The following UBE2F variants were observed in gnomAD, a reference collection of about 807,000 sequenced individuals.
UBE2F encodes ubiquitin conjugating enzyme E2 F (putative), also known as NEDD8-conjugating enzyme UBE2F.
In UBE2F, 5 loss-of-function variants were observed where a neutral mutation model predicts 29.6. The observed-to-expected ratio is 0.17, with a 90% CI of 0.09 to 0.36. The LOEUF is 0.36. UBE2F is among the 10% of genes least tolerant of loss of function. The pLI is 1.00. For synonymous variants in UBE2F, 66 were observed against 81.8 expected (o/e 0.81, Z 1.04); for missense variants, 141 against 228.5 (o/e 0.62, Z 2.47).
intron 2 of UBE2F, chr2:237,973,769 G>C: frequency 2.6e-6 from 3 of 1,142,750 alleles, no homozygotes; most frequent in Non-Finnish European, 3.4e-6. Flanking sequence ...CTTTATCCTT[G>C]GAGAAGGGTT....
At chr2:237,974,995 C>T (rs1206483440) in intron 2 of UBE2F, among the ~76,000 whole-genome samples, 1 of 152,052 alleles carries the variant, frequency 6.6e-6, no homozygotes. Flanking sequence ...TAGTCTTGAA[C>T]TCCTGACCTC....
intron 3 of UBE2F, among the ~76,000 whole-genome samples, chr2:237,990,058 C>T (rs1429007533): frequency 7.4e-6 from 1 of 134,930 alleles, no homozygotes; most frequent in Non-Finnish European, 1.5e-5. Flanking sequence ...GCGGAGGTTG[C>T]GGTGAGCTGA....
At position 237,967,064 on chromosome 2, in the gene UBE2F, C is replaced by A. The variant is rs1396330003; in HGVS notation, c.-85C>A. 3 of 1,320,472 alleles carry A rather than the reference C, an allele frequency of 2.3e-6. 1 individual carries two copies. The East Asian group carries it at 9.6e-5, about 42-fold the overall frequency. 81.8% of individuals were successfully genotyped at this position (1,320,472 alleles called of 1,614,324 possible). On this transcript the variant is annotated 5_prime_UTR_variant, in exon 1 of 10. Coordinates refer to ENST00000272930, the MANE Select transcript of UBE2F (RefSeq NM_080678.3). This position sits in a 1 kb window ranked among gnomAD's most constrained non-coding sequence, Gnocchi z 6.3. The stretch of plus-strand genomic sequence containing the variant: ...GGTGCGGCTGTGAGGGGCCGCGTCT[C>A]GCAGCAGCCGCCCGGACCGGGCATG...
chr2:237,997,101 C>T (rs2063707007), intron 4 of UBE2F, among the ~76,000 whole-genome samples: 1 of 151,980 alleles, frequency 6.6e-6, no homozygotes, highest in Non-Finnish European at 1.5e-5. Flanking sequence ...GTGGTGCGTG[C>T]CTGTAATCCC....
chr2:238,035,118 G>C (rs753497958), intron 8 of UBE2F: 4 of 152,234 alleles, frequency 2.6e-5, no homozygotes, highest in Non-Finnish European at 5.9e-5. Flanking sequence ...TCTCGAACTT[G>C]TGACCTCTGG....
chr2:237,977,748 T>A (rs2063310032), intron 2 of UBE2F, among the ~76,000 whole-genome samples: 1 of 152,090 alleles, frequency 6.6e-6, no homozygotes, highest in South Asian at 2.1e-4. Context: ...AACTCCCTTT[T>A]GGGACTTTGA....
rs2064159005 is a variant in UBE2F at position 238,016,616 on chromosome 2, G to A, written c.265G>A (p.Asp89Asn). The A allele has an allele frequency of 6.2e-7, 1 of 1,613,478 alleles. No individual in the cohort carries two copies. Among genetic ancestry groups the A allele is most frequent in the African/African-American group, 1.3e-5 (1 of 74,906 alleles). Residue 89 changes from aspartate (D) to asparagine (N), a missense_variant, in exon 5 of 10, where the codon GAT (aspartate) becomes AAT (asparagine). Transcript: ENST00000272930. ...GKFQFETEVP[D>N]AYNMVPPKVK... is the part of the protein sequence containing the mutation. ...ATTTCAGTTTGAAACTGAAGTTCCCGATGCGTACAACATGGTGGTGAGTAG... is the reference window on the plus strand; with the variant it reads ...ATTTCAGTTTGAAACTGAAGTTCCCAATGCGTACAACATGGTGGTGAGTAG...
At chr2:238,031,485 G>A (rs1443980419) in intron 7 of UBE2F, among the ~76,000 whole-genome samples, 1 of 152,224 alleles carries the variant, frequency 6.6e-6, no homozygotes, top group Non-Finnish European at 1.5e-5. Flanking sequence ...ACATCGGAAG[G>A]TCAGGGATGG....
intron 4 of UBE2F, among the ~76,000 whole-genome samples, chr2:238,003,903 C>T (rs1366726104): frequency 4.6e-5 from 7 of 152,194 alleles, no homozygotes; most frequent in Non-Finnish European, 1.0e-4. Flanking sequence ...CCTCGATCTG[C>T]TTTGTAGATC....
chr2:238,020,605 C>G (rs920236855), intron 5 of UBE2F, among the ~76,000 whole-genome samples: 3 of 152,166 alleles, frequency 2.0e-5, no homozygotes, highest in African/African-American at 7.2e-5. Flanking sequence ...TAAAGTCGAT[C>G]GTTATTTTAG....
chr2:238,035,680 A>G, intron 8 of UBE2F, 198 bp from the exon 9 acceptor site: 1 of 547,240 alleles, frequency 1.8e-6, no homozygotes. Flanking sequence ...GTCAGTTGTC[A>G]GTCACCATTT....
intron 4 of UBE2F, among the ~76,000 whole-genome samples, chr2:238,008,150 T>G (rs536487427): frequency 5.1e-4 from 77 of 152,110 alleles, no homozygotes; most frequent in Non-Finnish European, 9.7e-4. Flanking sequence ...TAATTATTTT[T>G]TGTAGAGACG....
intron 4 of UBE2F, chr2:238,003,236 T>C (rs1340990454): frequency 2.9e-6 from 1 of 349,546 alleles, no homozygotes; most frequent in African/African-American, 2.1e-5. Flanking sequence ...ATCTTAAAAA[T>C]ACAGATGCCA....
intron 4 of UBE2F, among the ~76,000 whole-genome samples, chr2:238,004,989 T>G (rs2106367757): frequency 6.6e-6 from 1 of 152,164 alleles, no homozygotes; most frequent in East Asian, 1.9e-4. Flanking sequence ...CAGAAAGGAG[T>G]GCCCTCTTGC....
rs538240441 is a variant in UBE2F at position 237,992,811 on chromosome 2, AT to A, written c.149-1930del. Among the ~76,000 whole-genome samples, 39 of 152,334 alleles carry A rather than the reference AT, an allele frequency of 2.6e-4. No homozygotes were observed. The East Asian group carries it at 7.3e-3, about 29-fold the overall frequency. On this transcript the variant is annotated intron_variant, in intron 3 of 9. Transcript: ENST00000272930. Reference sequence around the variant, plus strand: ...TCTCTAAGGTCACCTCTGAGTAGAAATTTGAATTGTCCTGTTTTCGATAAAA... The same window carrying A: ...TCTCTAAGGTCACCTCTGAGTAGAAATTGAATTGTCCTGTTTTCGATAAAA...
At chr2:238,025,318 T>C in intron 5 of UBE2F, 24 bp from the exon 6 acceptor site, 1 of 1,607,018 alleles carries the variant, frequency 6.2e-7, no homozygotes, top group Non-Finnish European at 8.5e-7. Context: ...CGGCGTGATC[T>C]CTCTCATTGT....
chr2:238,029,393 CCTGGTTAACACG>C (rs2064516834), intron 6 of UBE2F, among the ~76,000 whole-genome samples: 2 of 152,086 alleles, frequency 1.3e-5, no homozygotes, highest in Non-Finnish European at 2.9e-5. Context: ...TCGAGACCAT[CCTGGTTAACACG>C]GTGAAACCCC....
chr2:238,021,905 C>T (rs1163374644), intron 5 of UBE2F, among the ~76,000 whole-genome samples: 1 of 152,144 alleles, frequency 6.6e-6, no homozygotes, highest in African/African-American at 2.4e-5. Flanking sequence ...TGTCTGTCTG[C>T]CTCTTTCCTC....
intron 1 of UBE2F, chr2:237,968,807 G>C (rs902317653): frequency 5.5e-5 from 54 of 982,250 alleles, no homozygotes; most frequent in Non-Finnish European, 6.3e-5. Context: ...CCGAAATGCT[G>C]CCTTAGAGCG....
Sources: allele counts gnomAD v4.1 joint callset (sites outside exome capture counted in the v4.1 genomes callset), GRCh38; gene constraint gnomAD v4.1.1; non-coding constraint Gnocchi (gnomAD v3.1); transcripts MANE v1.5; gene names NCBI Gene and HGNC (gene_info 2026-07-23, HGNC 2026-07-21).